The following KTN1 variants were observed in gnomAD, a reference collection of about 807,000 sequenced individuals.
KTN1 encodes the protein kinectin 1, also known as kinectin.
Under a neutral mutation model 222.5 loss-of-function variants are expected in KTN1, and 130 were observed. That is an observed-to-expected ratio of 0.58 (90% CI 0.51 to 0.68). The LOEUF is 0.68. Ranked by LOEUF, KTN1 falls within the 30% of genes least tolerant of loss-of-function variation. The pLI is 0.00. For synonymous variants in KTN1, 512 were observed against 496.3 expected, an observed-to-expected ratio of 1.03 and a Z score of -0.42; for missense variants, 1,508 against 1,500.4, an observed-to-expected ratio of 1.01 and a Z score of -0.08.
At chr14:55,648,691 C>T in intron 20 of KTN1, 111 bp from the exon 21 acceptor site, 2 of 731,142 alleles carry the variant, frequency 2.7e-6, no homozygotes, top group Non-Finnish European at 4.7e-6. Flanking sequence ...AGTTTTGGGC[C>T]TTCCAGAGTA....
chr14:55,613,301 C>T (rs759772483), intron 2 of KTN1, among the ~76,000 whole-genome samples: 4 of 151,828 alleles, frequency 2.6e-5, no homozygotes, highest in Non-Finnish European at 5.9e-5. Flanking sequence ...TGGTTAAGTA[C>T]TAGTTAGGTT....
In KTN1 at chr14:55,627,919, A is replaced by G; in HGVS notation, c.971A>G (p.Lys324Arg). The change falls in exon 6 of 44, where the codon AAG becomes AGG. Residue 324 changes from lysine to arginine, a missense_variant. Coordinates refer to ENST00000395314, the MANE Select transcript of KTN1 (RefSeq NM_001079521.2). ...VIQDALKKSS[K>R]GELTTLIHQL... ...TTGCTTTCTCAATTGCAGTCAAGTAAGGGAGAATTGACTACGCTTATACAT... is the reference window on the plus strand; with the variant it reads ...TTGCTTTCTCAATTGCAGTCAAGTAGGGGAGAATTGACTACGCTTATACAT... The G allele has an allele frequency of 1.3e-6, 2 of 1,592,780 alleles. No individual in the cohort carries two copies. The highest frequency in any genetic ancestry group is 2.7e-5 in the African/African-American group (2 of 74,536).
chr14:55,639,244 C>T, intron 13 of KTN1, 22 bp downstream of exon 13: 3 of 1,565,174 alleles, frequency 1.9e-6, no homozygotes, highest in Non-Finnish European at 1.8e-6. Flanking sequence ...TTTTCACACT[C>T]TTATAATTGT....
intron 1 of KTN1, among the ~76,000 whole-genome samples, chr14:55,594,968 CA>C (rs1330982650): frequency 6.6e-6 from 1 of 152,184 alleles, no homozygotes; most frequent in African/African-American, 2.4e-5. Context: ...ACCTTGCATT[CA>C]GTCTGCACTT....
At chr14:55,618,875 A>G (rs763807329) in intron 4 of KTN1, among the ~76,000 whole-genome samples, 7 of 152,198 alleles carry the variant, frequency 4.6e-5, no homozygotes, top group Non-Finnish European at 8.8e-5. Flanking sequence ...TGTGAATATA[A>G]TAGTGCAGAT....
At chr14:55,676,775 T>A (rs2045921275) in intron 41 of KTN1, among the ~76,000 whole-genome samples, 1 of 152,212 alleles carries the variant, frequency 6.6e-6, no homozygotes, top group Non-Finnish European at 1.5e-5. Flanking sequence ...AATTTTTTTT[T>A]GATTCTATAT....
chr14:55,619,582 G>A (rs982672120), intron 5 of KTN1, among the ~76,000 whole-genome samples: 4 of 152,174 alleles, frequency 2.6e-5, no homozygotes, highest in Non-Finnish European at 5.9e-5. Context: ...AATCATAGTG[G>A]AAGGTGAAAG....
In KTN1 at chr14:55,653,073, T is replaced by C; in HGVS notation, c.2751T>C (p.His917=). The C allele has an allele frequency of 6.3e-7, 1 of 1,592,764 alleles. No homozygotes were observed. The highest frequency in any genetic ancestry group is 8.6e-7 in the Non-Finnish European group (1 of 1,161,572). Reference sequence around the variant, plus strand: ...CACATGTTCAGGAAGTAGCACAACATAACTTGAAAGAGGTATAGTATAAAC... The same window carrying C: ...CACATGTTCAGGAAGTAGCACAACACAACTTGAAAGAGGTATAGTATAAAC... ...LKAHVQEVAQ[H]NLKEASSASQ... is the part of the protein sequence containing the mutation. The change falls in exon 27 of 44, where the codon CAT becomes CAC. Residue 917 remains histidine (H), a synonymous_variant. Transcript: ENST00000395314.
intron 5 of KTN1, 89 bp from the exon 6 acceptor site, chr14:55,627,823 C>G: frequency 1.3e-6 from 1 of 763,982 alleles, no homozygotes. Context: ...CATAGTATTC[C>G]ATGGTGTATA....
chr14:55,677,181 A>T (rs2141378264), intron 41 of KTN1, among the ~76,000 whole-genome samples: 1 of 152,270 alleles, frequency 6.6e-6, no homozygotes, highest in East Asian at 1.9e-4. Context: ...TTTGACTAAA[A>T]AAAGTTTATA....
At chr14:55,667,147 C>A in intron 33 of KTN1, 94 bp from the exon 34 acceptor site, 1 of 774,482 alleles carries the variant, frequency 1.3e-6, no homozygotes, top group Non-Finnish European at 2.1e-6. Context: ...TTTTTCTTCC[C>A]GTAGAATTAT....
intron 12 of KTN1, among the ~76,000 whole-genome samples, chr14:55,638,207 A>G (rs1326633475): frequency 2.0e-5 from 3 of 151,878 alleles, no homozygotes; most frequent in Admixed American, 1.3e-4. Context: ...AAATCCTAAT[A>G]TATCAGCAGG....
chr14:55,626,858 A>G (rs1034644749), intron 5 of KTN1, among the ~76,000 whole-genome samples: 1 of 149,056 alleles, frequency 6.7e-6, no homozygotes, highest in African/African-American at 2.4e-5. Context: ...GTGGGATTTT[A>G]TCTGCAACTT....
chr14:55,660,021 GTCTTCTT>G (rs2043945114), intron 31 of KTN1, among the ~76,000 whole-genome samples: 1 of 152,102 alleles, frequency 6.6e-6, no homozygotes, highest in Admixed American at 6.6e-5. Flanking sequence ...ATCTTACTGG[GTCTTCTT>G]TCTTCTAGAT....
chr14:55,641,025 G>A (rs1448732536), intron 16 of KTN1, 55 bp downstream of exon 16: 5 of 1,524,778 alleles, frequency 3.3e-6, no homozygotes, highest in East Asian at 2.3e-5. Flanking sequence ...AATTATAATT[G>A]TTGCAGAAAA....
chr14:55,585,544 T>A (rs1257715633), intron 1 of KTN1, among the ~76,000 whole-genome samples: 1 of 152,224 alleles, frequency 6.6e-6, no homozygotes, highest in East Asian at 1.9e-4. Flanking sequence ...TTTCTAGTAT[T>A]GGTTTCTTTA....
intron 7 of KTN1, among the ~76,000 whole-genome samples, chr14:55,632,895 A>G (rs1400942722): frequency 6.6e-6 from 1 of 152,202 alleles, no homozygotes; most frequent in Non-Finnish European, 1.5e-5. Flanking sequence ...ACATAAGATC[A>G]GGACAAGCTT....
At chr14:55,590,359 CTT>C (rs1254719961) in intron 1 of KTN1, among the ~76,000 whole-genome samples, 1 of 152,022 alleles carries the variant, frequency 6.6e-6, no homozygotes, top group Non-Finnish European at 1.5e-5. Context: ...ACCTGTGTAC[CTT>C]TCTCTCAGCT....
chr14:55,658,446 G>T, intron 29 of KTN1, 100 bp from the exon 30 acceptor site: 1 of 722,214 alleles, frequency 1.4e-6, no homozygotes, highest in Non-Finnish European at 2.4e-6. Context: ...TGCTATTTTG[G>T]AATTTTTCTA....
Sources: allele counts gnomAD v4.1 joint callset (sites outside exome capture counted in the v4.1 genomes callset), GRCh38; gene constraint gnomAD v4.1.1; transcripts MANE v1.5; gene names NCBI Gene and HGNC (gene_info 2026-07-23, HGNC 2026-07-21).